Variants in PDE6A observed in about 807,000 individuals in gnomAD.
PDE6A encodes phosphodiesterase 6A.
PDE6A carries 84 observed loss-of-function variants against 106.3 expected under a neutral mutation model. The ratio of observed to expected loss-of-function variants is 0.79; its 90% CI spans 0.66 to 0.95. The LOEUF (loss-of-function observed/expected upper bound fraction) is 0.95. PDE6A is among the 40% of genes least tolerant of loss of function. The pLI, the probability that PDE6A is intolerant of heterozygous loss-of-function variation, is 0.00. For missense variants in PDE6A, 1,052 were observed against 1,084.9 expected (o/e 0.97, Z 0.43); for synonymous variants, 394 against 386.6 (o/e 1.02, Z -0.23).
chr5:149,883,047 G>A (rs1760987789), intron 17 of PDE6A, among the ~76,000 whole-genome samples: 1 of 152,126 alleles, frequency 6.6e-6, no homozygotes, highest in South Asian at 2.1e-4. Flanking sequence ...GACAGAGCGA[G>A]ACTCTGTCTC....
In PDE6A at chr5:149,903,178, A is replaced by T. The variant is rs370809513; in HGVS notation, c.1113+470T>A. Among the ~76,000 whole-genome samples the T allele has an allele frequency of 1.4e-3, 210 of 148,394 alleles. 1 individual carries two copies. Among genetic ancestry groups the T allele is most frequent in the African/African-American group, 5.0e-3 (205 of 41,000 alleles). On this transcript the variant is annotated intron_variant, in intron 8 of 21. Transcript: ENST00000255266. ...AAAAAAAAAAAAAAAACAAAAGAAA[A>T]CAACAACAACGACAAAACACCTGGC...
At chr5:149,865,968 T>G (rs1413699540) in intron 20 of PDE6A, among the ~76,000 whole-genome samples, 1 of 152,232 alleles carries the variant, frequency 6.6e-6, no homozygotes, top group African/African-American at 2.4e-5. Context: ...GCAACTAGGA[T>G]GTACCGTACG....
At chr5:149,917,752 C>G (rs1386376123) in intron 5 of PDE6A, among the ~76,000 whole-genome samples, 1 of 152,152 alleles carries the variant, frequency 6.6e-6, no homozygotes, top group Non-Finnish European at 1.5e-5. Flanking sequence ...TTCGGTCCTA[C>G]TATGGGTGTT....
rs370987088 is a variant in PDE6A at position 149,929,609 on chromosome 5, AAAAT to A, written c.858+1415_858+1418del. On this transcript the variant is annotated intron_variant, in intron 4 of 21. Transcript: ENST00000255266. Reference sequence around the variant, plus strand: ...GTGACAGAGCGAGACTCCGTCTCAAAAAATAAATAAATAAATAAATAAATAAATA... The same window carrying A: ...GTGACAGAGCGAGACTCCGTCTCAAAAAATAAATAAATAAATAAATAAATA... 5.2e-4 allele frequency among the ~76,000 whole-genome samples: 75 copies of A among 145,392 alleles called. 1 individual carries two copies. The highest frequency in any genetic ancestry group is 4.1e-3 in the South Asian group (19 of 4,632).
intron 17 of PDE6A, among the ~76,000 whole-genome samples, chr5:149,882,835 A>G (rs1760977424): frequency 6.6e-6 from 1 of 152,192 alleles, no homozygotes; most frequent in African/African-American, 2.4e-5. Context: ...AGGTGGGTGT[A>G]TCACTTGAGG....
rs578216475 is a variant in PDE6A at position 149,891,550 on chromosome 5, C to A, written c.1728+3633G>T. On this transcript the variant is annotated intron_variant, in intron 13 of 21. Coordinates refer to ENST00000255266, the MANE Select transcript of PDE6A (RefSeq NM_000440.3). ...GGCGTGGTAACTCACACCTAAAATC[C>A]CAGATCTTTAGGAGGCCAAGGCAGG... Among the ~76,000 whole-genome samples the A allele has an allele frequency of 3.3e-5, 5 of 152,194 alleles. No individual in the cohort carries two copies. The South Asian group carries it at 1.0e-3, about 32-fold the overall frequency.
At chr5:149,870,651 A>C (rs1235569279) in intron 17 of PDE6A, among the ~76,000 whole-genome samples, 1 of 151,642 alleles carries the variant, frequency 6.6e-6, no homozygotes, top group Middle Eastern at 3.2e-3. Flanking sequence ...CCTAAAGATG[A>C]GGCTTCACAT....
chr5:149,913,384 A>T (rs1162062556), intron 6 of PDE6A, among the ~76,000 whole-genome samples: 5 of 139,860 alleles, frequency 3.6e-5, no homozygotes, highest in African/African-American at 1.0e-4. Context: ...TCCATCTTAA[A>T]AAAAAAAAAA....
intron 6 of PDE6A, among the ~76,000 whole-genome samples, chr5:149,908,061 A>G (rs57576371): frequency 0.01 from 1,541 of 152,302 alleles, 21 homozygotes; most frequent in African/African-American, 0.036. Flanking sequence ...TTAGCTTCTA[A>G]GCATGTTTTC....
chr5:149,923,504 ATAACATAACATAACATAAC>A (rs1416342194), intron 4 of PDE6A, among the ~76,000 whole-genome samples: 2 of 162 alleles, frequency 0.012, no homozygotes, highest in Non-Finnish European at 0.026. Context: ...TCTCAAATAA[ATAACATAACATAACATAAC>A]ATAACATAAC....
chr5:149,937,746 A>G (rs761088715), intron 1 of PDE6A, among the ~76,000 whole-genome samples: 1 of 152,118 alleles, frequency 6.6e-6, no homozygotes, highest in Non-Finnish European at 1.5e-5. Flanking sequence ...CTTTGCAAAC[A>G]TTCACAGTGC....
chr5:149,943,932 G>A (rs1754395324), intron 1 of PDE6A, among the ~76,000 whole-genome samples: 1 of 152,196 alleles, frequency 6.6e-6, no homozygotes, highest in African/African-American at 2.4e-5. Flanking sequence ...CAGAGAAAAT[G>A]GAGAGAGAAA....
At chr5:149,917,494 C>A (rs1188286354) in intron 5 of PDE6A, among the ~76,000 whole-genome samples, 1 of 152,124 alleles carries the variant, frequency 6.6e-6, no homozygotes, top group Non-Finnish European at 1.5e-5. Flanking sequence ...ACTTCCAACT[C>A]ATAAGGGAGA....
intron 5 of PDE6A, among the ~76,000 whole-genome samples, chr5:149,920,426 C>G (rs181529274): frequency 4.6e-5 from 7 of 152,110 alleles, no homozygotes; most frequent in Admixed American, 1.3e-4. Flanking sequence ...ACTAAAAATA[C>G]GAAAATTAGC....
chr5:149,867,905 C>T (rs1344887990), intron 18 of PDE6A, 106 bp from the exon 19 acceptor site: 2 of 1,191,986 alleles, frequency 1.7e-6, no homozygotes, highest in Non-Finnish European at 1.2e-6. Context: ...AGGATAAACC[C>T]ATCCCTGCCC....
intron 1 of PDE6A, among the ~76,000 whole-genome samples, chr5:149,942,159 C>T (rs1285554128): frequency 6.6e-6 from 1 of 151,982 alleles, no homozygotes; most frequent in African/African-American, 2.4e-5. Flanking sequence ...ACAGGGACCT[C>T]CCTGTGTTGC....
At chr5:149,870,039 G>C (rs1166797800) in intron 17 of PDE6A, among the ~76,000 whole-genome samples, 1 of 152,028 alleles carries the variant, frequency 6.6e-6, no homozygotes, top group Non-Finnish European at 1.5e-5. Context: ...CTGTAATCTT[G>C]GCACTTTGGG....
At chr5:149,892,086 G>A (rs1161375803) in intron 13 of PDE6A, among the ~76,000 whole-genome samples, 1 of 152,184 alleles carries the variant, frequency 6.6e-6, no homozygotes, top group East Asian at 1.9e-4. Flanking sequence ...ACTGCAGCAG[G>A]AGGATCACTT....
rs1352073645 is a variant in PDE6A, at chr5:149,873,204, G to A, written c.2136-5046C>T. Among the ~76,000 whole-genome samples the A allele has an allele frequency of 3.3e-5, 5 of 152,154 alleles. 1 individual carries two copies. The highest frequency in any genetic ancestry group is 9.7e-5 in the African/African-American group (4 of 41,434). On this transcript the variant is annotated intron_variant, in intron 17 of 21. Transcript: ENST00000255266. ...TTACTTATTTACTTTTATGGAGGAAGGAGGCACAAAGACAAAAGTGCCTAG... is the reference window on the plus strand; with the variant it reads ...TTACTTATTTACTTTTATGGAGGAAAGAGGCACAAAGACAAAAGTGCCTAG...
Sources: allele counts gnomAD v4.1 joint callset (sites outside exome capture counted in the v4.1 genomes callset), GRCh38; gene constraint gnomAD v4.1.1; transcripts MANE v1.5; gene names NCBI Gene and HGNC (gene_info 2026-07-23, HGNC 2026-07-21).